Variants in CHST8 observed in about 807,000 individuals in gnomAD.
The protein encoded by CHST8 is GALNAC-4-ST1.
CHST8 carries 10 observed loss-of-function variants against 15.0 expected under a neutral mutation model. That is an observed-to-expected ratio of 0.67 (90% CI 0.41 to 1.13). The LOEUF is 1.13. Ranked by LOEUF, CHST8 falls within the 50% of genes most tolerant of loss-of-function variation. The pLI is 0.00. For synonymous variants in CHST8, 259 were observed against 256.6 expected (o/e 1.01, Z -0.09); for missense variants, 634 against 608.2 (o/e 1.04, Z -0.45).
intron 3 of CHST8, among the ~76,000 whole-genome samples, chr19:33,748,486 C>T (rs541475139): frequency 2.0e-5 from 3 of 152,356 alleles, no homozygotes; most frequent in African/African-American, 4.8e-5. Flanking sequence ...CTGAGCCTTC[C>T]TGGCCTGAGG....
intron 3 of CHST8, among the ~76,000 whole-genome samples, chr19:33,724,768 G>A (rs992888980): frequency 6.6e-6 from 1 of 152,184 alleles, no homozygotes; most frequent in African/African-American, 2.4e-5. Context: ...CCCCAGCCAG[G>A]TGGCACAGAG....
intron 3 of CHST8, among the ~76,000 whole-genome samples, chr19:33,746,387 C>T (rs1350662751): frequency 6.6e-6 from 1 of 152,168 alleles, no homozygotes; most frequent in Non-Finnish European, 1.5e-5. Flanking sequence ...TGATCTTATT[C>T]CATCTCTAGA....
chr19:33,702,046 C>G (rs1288628106), intron 3 of CHST8, among the ~76,000 whole-genome samples: 1 of 151,990 alleles, frequency 6.6e-6, no homozygotes, highest in Non-Finnish European at 1.5e-5. Flanking sequence ...TGGATCTCAG[C>G]TCACTGCAAC....
intron 3 of CHST8, among the ~76,000 whole-genome samples, chr19:33,711,825 G>A (rs1447198684): frequency 6.6e-6 from 1 of 151,656 alleles, no homozygotes; most frequent in Non-Finnish European, 1.5e-5. Context: ...TAGAGATGGG[G>A]TTTCACCATG....
chr19:33,704,400 AGGGTCACTG>A (rs3073678), intron 3 of CHST8, among the ~76,000 whole-genome samples: 18,327 of 152,104 alleles, frequency 0.12, 1,767 homozygotes, highest in African/African-American at 0.27. Flanking sequence ...GGAACTGTGC[AGGGTCACTG>A]GGATCCATCA....
chr19:33,757,498 GAAAGAAAGAAAGAAAGAAAGAA>G (rs1568358652), intron 3 of CHST8, among the ~76,000 whole-genome samples: 1 of 47,116 alleles, frequency 2.1e-5, no homozygotes, highest in Non-Finnish European at 4.3e-5. Flanking sequence ...AAGAAAGAAA[GAAAGAAAGAAAGAAAGAAAGAA>G]AGAGAAAGAA....
intron 1 of CHST8, among the ~76,000 whole-genome samples, chr19:33,630,732 G>A (rs993590548): frequency 1.3e-5 from 2 of 151,998 alleles, no homozygotes; most frequent in East Asian, 1.9e-4. Context: ...TCTAACTGAC[G>A]GAGCCAGTGC....
At chr19:33,726,797 C>CAGGGGCTGCAAAGAA (rs1973911348) in intron 3 of CHST8, among the ~76,000 whole-genome samples, 1 of 151,906 alleles carries the variant, frequency 6.6e-6, no homozygotes, top group African/African-American at 2.4e-5. Flanking sequence ...AGACGTGGGC[C>CAGGGGCTGCAAAGAA]AGGGGCTGCA....
chr19:33,681,722 A>G (rs747393845), intron 2 of CHST8, among the ~76,000 whole-genome samples: 2 of 152,132 alleles, frequency 1.3e-5, no homozygotes, highest in Non-Finnish European at 2.9e-5. Context: ...TGATTCTGAG[A>G]TAGGGAAACT....
intron 1 of CHST8, among the ~76,000 whole-genome samples, chr19:33,649,365 A>C (rs900414591): frequency 1.3e-5 from 2 of 152,102 alleles, no homozygotes; most frequent in Non-Finnish European, 2.9e-5. Flanking sequence ...TCAGCTGAAA[A>C]AACACATGAT....
rs563717105 is a variant in CHST8, at chr19:33,744,877, T to G, written c.131-26536T>G. Among the ~76,000 whole-genome samples, 7 of 152,174 alleles carry G rather than the reference T, an allele frequency of 4.6e-5. No individual in the cohort carries two copies. The South Asian group carries it at 1.5e-3, about 32-fold the overall frequency. On this transcript the variant is annotated intron_variant, in intron 3 of 4. Transcript: ENST00000650847. ...AATTCTCCTGCCTCAGCCTCCCGAGTAGCTGGGATTACAGGTGCCTGCCAC... is the reference window on the plus strand; with the variant it reads ...AATTCTCCTGCCTCAGCCTCCCGAGGAGCTGGGATTACAGGTGCCTGCCAC...
chr19:33,725,646 G>T (rs1359276339), intron 3 of CHST8, among the ~76,000 whole-genome samples: 2 of 152,152 alleles, frequency 1.3e-5, no homozygotes. Context: ...ACCCACTCTG[G>T]CCTCCCTGGT....
chr19:33,661,905 G>A (rs1221469245), intron 1 of CHST8, among the ~76,000 whole-genome samples: 2 of 151,084 alleles, frequency 1.3e-5, no homozygotes, highest in South Asian at 4.2e-4. Flanking sequence ...GTATGGTGGT[G>A]TGTGCCTGTA....
chr19:33,706,307 C>A (rs887616208), intron 3 of CHST8, among the ~76,000 whole-genome samples: 1 of 152,130 alleles, frequency 6.6e-6, no homozygotes, highest in African/African-American at 2.4e-5. Context: ...CTTGTGCACA[C>A]GTGTGTGTGT....
intron 3 of CHST8, among the ~76,000 whole-genome samples, chr19:33,762,101 G>A (rs947668317): frequency 2.6e-5 from 4 of 152,226 alleles, no homozygotes; most frequent in Non-Finnish European, 5.9e-5. Flanking sequence ...GATCCCATGC[G>A]ACATGCACAT....
intron 3 of CHST8, among the ~76,000 whole-genome samples, chr19:33,725,057 G>C (rs190244500): frequency 6.6e-6 from 1 of 152,176 alleles, no homozygotes; most frequent in Non-Finnish European, 1.5e-5. Context: ...GTGTGCAAGT[G>C]CAAGCATATG....
chr19:33,706,877 G>A (rs1973457407), intron 3 of CHST8, among the ~76,000 whole-genome samples: 1 of 152,192 alleles, frequency 6.6e-6, no homozygotes, highest in South Asian at 2.1e-4. Flanking sequence ...GGAGTGAAAA[G>A]GACAGGCCAT....
In CHST8 at chr19:33,772,177, C is replaced by A; in HGVS notation, c.389C>A (p.Ser130Ter). 6.3e-7 allele frequency: 1 copy of A among 1,597,914 alleles called. No individual in the cohort carries two copies. The highest frequency in any genetic ancestry group is 8.5e-7 in the Non-Finnish European group (1 of 1,174,274). The change falls in exon 5 of 5, where the codon TCG becomes TAG. Residue 130 changes from serine (S) to a stop codon, truncating the protein, a stop_gained. Transcript: ENST00000650847. LOFTEE classifies it low-confidence loss of function (END_TRUNC). ...GCGGCGACCATCCCGGCCAACAGCTCGGACGCGCCCTTCATCCGGCCGGGA... is the reference window on the plus strand; with the variant it reads ...GCGGCGACCATCCCGGCCAACAGCTAGGACGCGCCCTTCATCCGGCCGGGA... ...PAAATIPANS[S>*]DAPFIRPGPG...
intron 3 of CHST8, among the ~76,000 whole-genome samples, chr19:33,747,131 G>T (rs572978964): frequency 2.6e-4 from 39 of 152,254 alleles, no homozygotes; most frequent in African/African-American, 9.4e-4. Flanking sequence ...CTGTAAATAT[G>T]GTGGGCCAGA....
Sources: gnomAD v4.1 joint callset for allele counts (sites outside exome capture counted in the v4.1 genomes callset) on GRCh38, gnomAD v4.1.1 for gene constraint, MANE v1.5 for transcripts, NCBI Gene and HGNC (gene_info 2026-07-23, HGNC 2026-07-21) for gene names.